Variants in MED23 observed in about 807,000 individuals in gnomAD.
The protein encoded by MED23 is mediator complex subunit 23.
A neutral mutation model predicts 163.9 loss-of-function variants in MED23; 105 were observed. The ratio of observed to expected loss-of-function variants is 0.64; its 90% confidence interval spans 0.55 to 0.75. The LOEUF is 0.75. Ranked by LOEUF, MED23 falls within the 30% of genes least tolerant of loss-of-function variation. MED23 has a pLI of 0.00. For synonymous variants in MED23, 561 were observed against 565.6 expected, an observed-to-expected ratio of 0.99 and a Z score of 0.12; for missense variants, 1,054 against 1,649.0, an observed-to-expected ratio of 0.64 and a Z score of 6.25.
chr6:131,600,548 C>T (rs1775390343), intron 17 of MED23, among the ~76,000 whole-genome samples: 1 of 152,176 alleles, frequency 6.6e-6, no homozygotes, highest in African/African-American at 2.4e-5. Context: ...GAAATAATTA[C>T]ATAATGCATG....
chr6:131,613,643 T>A (rs1776436073), intron 10 of MED23, among the ~76,000 whole-genome samples: 1 of 152,330 alleles, frequency 6.6e-6, no homozygotes, highest in South Asian at 2.1e-4. Context: ...ACACATCCCC[T>A]AACTAAAAGT....
chr6:131,592,080 GT>G (rs1260114310), intron 25 of MED23: 4 of 387,784 alleles, frequency 1.0e-5, no homozygotes, highest in African/African-American at 8.2e-5. Flanking sequence ...TATACAACAC[GT>G]TAAGTGGCCA....
In MED23 at chr6:131,596,532, T is replaced by TGTGCTTG. The variant is rs1562376845; in HGVS notation, c.2757_2763dup (p.Met922GlnfsTer16). ...AGGACTAGTACCTTGTGATAATTCATGTGCTTGGTGTGCCAGTCATTCTGT... is the reference window on the plus strand; with the variant it reads ...AGGACTAGTACCTTGTGATAATTCATGTGCTTGGTGCTTGGTGTGCCAGTCATTCTGT... On this transcript the variant is annotated frameshift_variant, in exon 21 of 29. Coordinates refer to ENST00000368068, the MANE Select transcript of MED23 (RefSeq NM_004830.4). LOFTEE classifies it high-confidence loss of function. The TGTGCTTG allele has an allele frequency of 3.1e-6, 5 of 1,614,200 alleles. No individual in the cohort carries two copies. The highest frequency in any genetic ancestry group is 4.2e-6 in the Non-Finnish European group (5 of 1,180,012).
chr6:131,600,708 T>G (rs1775406783), intron 17 of MED23, among the ~76,000 whole-genome samples: 1 of 152,150 alleles, frequency 6.6e-6, no homozygotes, highest in Non-Finnish European at 1.5e-5. Context: ...CCAATAGCCC[T>G]TCAAAGATTC....
At chr6:131,623,870 A>G (rs1777293405) in intron 4 of MED23, among the ~76,000 whole-genome samples, 1 of 152,208 alleles carries the variant, frequency 6.6e-6, no homozygotes, top group South Asian at 2.1e-4. Context: ...CATCAGACAG[A>G]CTAATACAGC....
In MED23 at chr6:131,598,822, G is replaced by A. The variant is rs1003836333; in HGVS notation, c.2221-61C>T. ...TAGTAGAAAGAGCACTGGATATGGA[G>A]TTAATAAACCAGTTCTAGACTTGAT... On this transcript the variant is annotated intron_variant, in intron 18 of 28. Transcript: ENST00000368068. This position sits in a 1 kb window ranked among gnomAD's most constrained non-coding sequence, Gnocchi z 4.7. The A allele has an allele frequency of 6.7e-7, 1 of 1,494,022 alleles. No homozygotes were observed. The highest frequency in any genetic ancestry group is 9.3e-7 in the Non-Finnish European group (1 of 1,072,698). 92.5% of individuals were successfully genotyped at this position (1,494,022 alleles called of 1,614,324 possible).
chr6:131,596,105 T>C lies in MED23; in HGVS notation c.2837A>G (p.Gln946Arg). ...GLAEQVDPPVQIQSPYLPIYF... is the reference protein window; with the variant it reads ...GLAEQVDPPVRIQSPYLPIYF... Reference sequence around the variant, plus strand: ...GATGGGCAGATAGGGAGACTGGATCTGTACAGGAGGATCCACCTGTTCCGC... The same window carrying C: ...GATGGGCAGATAGGGAGACTGGATCCGTACAGGAGGATCCACCTGTTCCGC... Residue 946 changes from glutamine (Q) to arginine (R), a missense_variant, in exon 22 of 29, where the codon CAG (glutamine) becomes CGG (arginine). Gln to Arg is a conservative substitution (Grantham distance 43). This residue lies in a region of MED23 where 228 missense variants were observed against 461.3 expected (regional missense o/e 0.49). Coordinates refer to ENST00000368068, the MANE Select transcript of MED23 (RefSeq NM_004830.4). 1.9e-6 allele frequency: 3 copies of C among 1,614,170 alleles called. No homozygotes were observed. Among genetic ancestry groups the C allele is most frequent in the Non-Finnish European group, 2.5e-6 (3 of 1,180,004 alleles).
intron 3 of MED23, among the ~76,000 whole-genome samples, chr6:131,625,718 T>A (rs748205461): frequency 1.3e-5 from 2 of 152,136 alleles, no homozygotes; most frequent in Non-Finnish European, 2.9e-5. Context: ...TGGAAAGATA[T>A]TCAACATCAC....
intron 17 of MED23, among the ~76,000 whole-genome samples, chr6:131,601,438 T>C (rs908338587): frequency 6.6e-6 from 1 of 152,202 alleles, no homozygotes; most frequent in Non-Finnish European, 1.5e-5. Flanking sequence ...ATCCACTAAA[T>C]GTATAAAACA....
At chr6:131,584,001 G>A, downstream of MED23, 1 of 1,413,510 alleles carries the variant, frequency 7.1e-7, no homozygotes, top group Non-Finnish European at 9.8e-7. Flanking sequence ...CTAAAGACTT[G>A]TTCTTTCAGA....
At chr6:131,575,482 T>C (rs1396049363) in intron 30 of MED23, among the ~76,000 whole-genome samples, 1 of 152,036 alleles carries the variant, frequency 6.6e-6, no homozygotes, top group Admixed American at 6.5e-5. Context: ...AGAAGCAAAA[T>C]GTGTCAGGCA....
At position 131,628,104 on chromosome 6, in the gene MED23, G is replaced by C. The variant is rs1373162536; in HGVS notation, c.-55C>G. On this transcript the variant is annotated 5_prime_UTR_variant, in exon 1 of 29. Coordinates refer to ENST00000368068, the MANE Select transcript of MED23 (RefSeq NM_004830.4). Reference sequence around the variant, plus strand: ...GCCCGGCAAGGCCCGGATCAGACTCGAGCTCTGGGAATATAGGGGCAGAGG... The same window carrying C: ...GCCCGGCAAGGCCCGGATCAGACTCCAGCTCTGGGAATATAGGGGCAGAGG... The C allele has an allele frequency of 1.1e-5, 18 of 1,601,106 alleles. No individual in the cohort carries two copies. Among genetic ancestry groups the C allele is most frequent in the Non-Finnish European group, 1.5e-5 (17 of 1,169,534 alleles).
intron 10 of MED23, among the ~76,000 whole-genome samples, chr6:131,611,036 A>G (rs1776243294): frequency 6.6e-6 from 1 of 152,202 alleles, no homozygotes; most frequent in Admixed American, 6.5e-5. Flanking sequence ...ATTTTTACCA[A>G]AAGAAATATG....
chr6:131,604,403 T>A, intron 14 of MED23, 83 bp from the exon 15 acceptor site: 1 of 1,402,580 alleles, frequency 7.1e-7, no homozygotes, highest in Non-Finnish European at 9.9e-7. Context: ...AGTAACTTAG[T>A]ATAAATCTGA....
At chr6:131,627,541 A>T in intron 2 of MED23, 58 bp from the exon 3 acceptor site, 1 of 1,587,016 alleles carries the variant, frequency 6.3e-7, no homozygotes, top group Non-Finnish European at 8.7e-7. Context: ...ATTACACACA[A>T]TCAGAATAGT....
Position 131,603,188 on chromosome 6 carries a change from A to G in MED23, c.1773T>C (p.Thr591=). ...TCCCCCATGCATGTGATTTGAAAAC[A>G]GTTGGCAAAAGCTGACCTGGAGGAA... ...IKGFISQLLP[T]VFKSHAWGIL... Residue 591 remains threonine, a synonymous_variant, in exon 16 of 29, where the codon ACT becomes ACC. Coordinates refer to ENST00000368068, the MANE Select transcript of MED23 (RefSeq NM_004830.4). 1.2e-6 allele frequency: 2 copies of G among 1,613,946 alleles called. No homozygotes were observed. The highest frequency in any genetic ancestry group is 3.3e-5 in the Admixed American group (2 of 60,010).
intron 28 of MED23, among the ~76,000 whole-genome samples, chr6:131,588,048 C>T (rs1446569011): frequency 2.0e-5 from 3 of 152,160 alleles, no homozygotes; most frequent in Non-Finnish European, 4.4e-5. Flanking sequence ...CGTTCTCCCT[C>T]ACACACACCC....
chr6:131,593,247 A>T, intron 23 of MED23, 76 bp from the exon 24 acceptor site: 1 of 1,571,320 alleles, frequency 6.4e-7, no homozygotes, highest in South Asian at 1.1e-5. Context: ...GCTGCCAAGA[A>T]GTGATTTGTC....
chr6:131,587,225 T>C lies in MED23; in HGVS notation c.*454A>G, dbSNP rs1360495401. 6 of 1,064,350 alleles carry C rather than the reference T, an allele frequency of 5.6e-6. No individual in the cohort carries two copies. Among genetic ancestry groups the C allele is most frequent in the African/African-American group, 1.7e-5 (1 of 60,022 alleles). 65.9% of individuals were successfully genotyped at this position (1,064,350 alleles called of 1,614,324 possible). On this transcript the variant is annotated 3_prime_UTR_variant, in exon 29 of 29. Coordinates refer to ENST00000368068, the MANE Select transcript of MED23 (RefSeq NM_004830.4). ...TTCCTTTTCTTGATATAAATCTCTA[T>C]TATTCTGAAAATCTACCAAGAGATT... is the stretch of plus-strand genomic sequence containing the variant.
Sources: allele counts gnomAD v4.1 joint callset (sites outside exome capture counted in the v4.1 genomes callset), GRCh38; gene constraint gnomAD v4.1.1; regional missense constraint gnomAD v4.1.1; non-coding constraint Gnocchi (gnomAD v3.1); transcripts MANE v1.5; gene names NCBI Gene and HGNC (gene_info 2026-07-23, HGNC 2026-07-21).